Variants in VTI1A observed in about 807,000 individuals in gnomAD.
VTI1A encodes the protein vesicle transport through interaction with t-SNAREs 1A.
Under a neutral mutation model 34.9 loss-of-function variants are expected in VTI1A, and 22 were observed. The ratio of observed to expected loss-of-function variants is 0.63; its 90% CI spans 0.45 to 0.90. The LOEUF (loss-of-function observed/expected upper bound fraction) is 0.90. VTI1A is among the 40% of genes least tolerant of loss of function. The probability of loss-of-function intolerance (pLI) is 0.00; values close to 1 mark genes in which losing one functional copy is unlikely to be tolerated. For missense variants in VTI1A, 268 were observed against 275.6 expected (o/e 0.97, Z 0.20); for synonymous variants, 87 against 97.3 (o/e 0.89, Z 0.62).
intron 7 of VTI1A, among the ~76,000 whole-genome samples, chr10:112,761,966 AGTC>A (rs1214791932): frequency 1.3e-5 from 2 of 152,188 alleles, no homozygotes; most frequent in Non-Finnish European, 2.9e-5. Context: ...GATTTACAGC[AGTC>A]CTGGACAGCA....
intron 7 of VTI1A, among the ~76,000 whole-genome samples, chr10:112,727,689 G>A (rs1309534161): frequency 6.6e-6 from 1 of 151,884 alleles, no homozygotes; most frequent in African/African-American, 2.4e-5. Context: ...AAACTAGAGT[G>A]GTCTCAAGTA....
chr10:112,592,645 C>G (rs1360737845), intron 5 of VTI1A, among the ~76,000 whole-genome samples: 2 of 152,206 alleles, frequency 1.3e-5, no homozygotes, highest in African/African-American at 2.4e-5. Context: ...TAGTACTTTG[C>G]ACACAGTAGG....
At chr10:112,836,514 A>C in the VTI1A span, among the ~76,000 whole-genome samples, 2 of 152,062 alleles carry the variant, frequency 1.3e-5, no homozygotes, top group African/African-American at 4.8e-5. Flanking sequence ...GAGAACTTCA[A>C]CTTTCCCTCC....
intron 7 of VTI1A, among the ~76,000 whole-genome samples, chr10:112,717,604 T>TGG (rs1475448773): frequency 6.6e-6 from 1 of 152,164 alleles, no homozygotes; most frequent in Non-Finnish European, 1.5e-5. Flanking sequence ...TCTTACGGTA[T>TGG]GGCAGCCTCA....
chr10:112,747,558 CGTT>C (rs1435267953), intron 7 of VTI1A, among the ~76,000 whole-genome samples: 1 of 152,114 alleles, frequency 6.6e-6, no homozygotes, highest in African/African-American at 2.4e-5. Context: ...TTGACCAAAA[CGTT>C]GTTAGGTGGC....
At chr10:112,591,015 C>T (rs761137970) in intron 5 of VTI1A, among the ~76,000 whole-genome samples, 46 of 152,174 alleles carry the variant, frequency 3.0e-4, no homozygotes, top group Non-Finnish European at 5.1e-4. Context: ...GCAAGAGAAT[C>T]GCTTGAACGC....
At chr10:112,694,750 C>T (rs1349521919) in intron 7 of VTI1A, among the ~76,000 whole-genome samples, 1 of 152,100 alleles carries the variant, frequency 6.6e-6, no homozygotes, top group Admixed American at 6.5e-5. Context: ...GGGCAGATCA[C>T]CTGAAGTCAG....
At chr10:112,714,308 A>G (rs972338640) in intron 7 of VTI1A, among the ~76,000 whole-genome samples, 5 of 151,982 alleles carry the variant, frequency 3.3e-5, no homozygotes, top group Admixed American at 1.3e-4. Flanking sequence ...GCCCCTCATC[A>G]CTCGATGCCT....
chr10:112,738,372 AT>A (rs1850573496), intron 7 of VTI1A, among the ~76,000 whole-genome samples: 1 of 152,046 alleles, frequency 6.6e-6, no homozygotes, highest in South Asian at 2.1e-4. Flanking sequence ...TCTATAACGC[AT>A]TTGTCAGTTT....
intron 5 of VTI1A, among the ~76,000 whole-genome samples, chr10:112,595,614 A>G (rs1441005428): frequency 6.6e-6 from 1 of 152,090 alleles, no homozygotes; most frequent in Non-Finnish European, 1.5e-5. Flanking sequence ...ACAATGAGAT[A>G]CCATCTCACA....
chr10:112,619,900 G>A (rs559858899), intron 5 of VTI1A, among the ~76,000 whole-genome samples: 2 of 152,296 alleles, frequency 1.3e-5, no homozygotes, highest in East Asian at 3.9e-4. Context: ...GGACATAATT[G>A]AAAGGGTGTC....
In VTI1A at chr10:112,463,395, A is replaced by G. The variant is rs75813014; in HGVS notation, c.154-1152A>G. Among the ~76,000 whole-genome samples the G allele has an allele frequency of 2.0e-4, 31 of 152,326 alleles. No homozygotes were observed. The East Asian group carries it at 5.0e-3, about 25-fold the overall frequency. On this transcript the variant is annotated intron_variant, in intron 2 of 7. Coordinates refer to ENST00000393077, the MANE Select transcript of VTI1A (RefSeq NM_145206.4). ...GTACATTATAAGAATTGCCTCATTTAGTTTTCACAGCTGCTCTGTGAAAAA... is the reference window on the plus strand; with the variant it reads ...GTACATTATAAGAATTGCCTCATTTGGTTTTCACAGCTGCTCTGTGAAAAA...
intron 7 of VTI1A, among the ~76,000 whole-genome samples, chr10:112,771,149 A>G (rs1290643071): frequency 6.6e-6 from 1 of 152,212 alleles, no homozygotes; most frequent in Non-Finnish European, 1.5e-5. Flanking sequence ...CCTGGGTTCA[A>G]ACCCAGGCAC....
the VTI1A span, among the ~76,000 whole-genome samples, chr10:112,848,021 T>A: frequency 1.3e-5 from 2 of 152,012 alleles, no homozygotes; most frequent in East Asian, 1.9e-4. Context: ...AGAAAAAAAA[T>A]AATAAACTGT....
intron 7 of VTI1A, among the ~76,000 whole-genome samples, chr10:112,743,837 G>T (rs1196237337): frequency 6.6e-6 from 1 of 152,072 alleles, no homozygotes; most frequent in African/African-American, 2.4e-5. Context: ...AAAAATATAG[G>T]ACATAATATA....
intron 3 of VTI1A, among the ~76,000 whole-genome samples, chr10:112,504,745 C>T (rs900120097): frequency 3.3e-5 from 5 of 152,030 alleles, no homozygotes; most frequent in African/African-American, 9.7e-5. Context: ...TACATGACCC[C>T]GGCATTGCAT....
At chr10:112,456,450 T>G (rs1334533021) in intron 1 of VTI1A, among the ~76,000 whole-genome samples, 1 of 146,924 alleles carries the variant, frequency 6.8e-6, no homozygotes, top group Non-Finnish European at 1.5e-5. Context: ...AAGAGGAAAC[T>G]GTAGAACCTA....
intron 5 of VTI1A, among the ~76,000 whole-genome samples, chr10:112,562,321 T>C (rs956994149): frequency 6.6e-6 from 1 of 152,166 alleles, no homozygotes; most frequent in African/African-American, 2.4e-5. Context: ...AGGGCCACAC[T>C]CTTCTGTTTT....
At position 112,609,471 on chromosome 10, in the gene VTI1A, G is replaced by C. The variant is rs571929590; in HGVS notation, c.428-58747G>C. On this transcript the variant is annotated intron_variant, in intron 5 of 7. Coordinates refer to ENST00000393077, the MANE Select transcript of VTI1A (RefSeq NM_145206.4). The stretch of plus-strand genomic sequence containing the variant: ...GTAAACTCTGTGACGACAGGGATCA[G>C]ATCTTGTTAATTTTCAAAGTCCTCT... 2.2e-4 allele frequency among the ~76,000 whole-genome samples: 33 copies of C among 152,292 alleles called. 1 individual carries two copies. The South Asian group carries it at 6.6e-3, about 31-fold the overall frequency.
Sources: allele counts gnomAD v4.1 joint callset (sites outside exome capture counted in the v4.1 genomes callset), GRCh38; gene constraint gnomAD v4.1.1; transcripts MANE v1.5; gene names NCBI Gene and HGNC (gene_info 2026-07-23, HGNC 2026-07-21).